Variants in SP8 observed in about 807,000 individuals in gnomAD.
SP8 encodes the protein Sp8 transcription factor, also known as transcription factor Sp8.
SP8 carries 7 observed loss-of-function variants against 15.3 expected under a neutral mutation model. The ratio of observed to expected loss-of-function variants is 0.46; its 90% CI spans 0.26 to 0.86. The LOEUF (loss-of-function observed/expected upper bound fraction) is 0.86, where lower values mean the gene tolerates loss of function less well. Ranked by LOEUF, SP8 falls within the 40% of genes least tolerant of loss-of-function variation. The pLI, the probability that SP8 is intolerant of heterozygous loss-of-function variation, is 0.16. For missense variants in SP8, 731 were observed against 736.4 expected (o/e 0.99, Z 0.09); for synonymous variants, 415 against 356.3 (o/e 1.16, Z -1.86).
chr7:20,786,806 A>C lies in SP8; in HGVS notation c.-8T>G. The stretch of plus-strand genomic sequence containing the variant: ...TAGAAGTGAAGTTGCCATCACACAA[A>C]AGTGCCCTCCTCCTCTCAGAGGATC... On this transcript the variant is annotated 5_prime_UTR_variant, in exon 1 of 2. Coordinates refer to ENST00000418710, the MANE Select transcript of SP8 (RefSeq NM_182700.6). This position sits in a 1 kb window ranked among gnomAD's most constrained non-coding sequence, Gnocchi z 4.4. The C allele has an allele frequency of 1.9e-6, 3 of 1,611,840 alleles. No individual in the cohort carries two copies. The highest frequency in any genetic ancestry group is 2.5e-6 in the Non-Finnish European group (3 of 1,177,912).
Position 20,784,400 on chromosome 7 carries a change from TGCCGCCGCTGCCCGAGCCCGCCGAGCC to T in SP8, c.1390_1416del (p.Gly464_Gly472del). 6.5e-7 allele frequency: 1 copy of T among 1,526,896 alleles called. No individual in the cohort carries two copies. Among genetic ancestry groups the T allele is most frequent in the Non-Finnish European group, 8.8e-7 (1 of 1,142,778 alleles). 94.6% of individuals were successfully genotyped at this position (1,526,896 alleles called of 1,614,324 possible). On this transcript the variant is annotated inframe_deletion, in exon 2 of 2. Coordinates refer to ENST00000418710, the MANE Select transcript of SP8 (RefSeq NM_182700.6). The stretch of plus-strand genomic sequence containing the variant: ...TCGCTGTCGGTGTCGCTGCCCTTCT[TGCCGCCGCTGCCCGAGCCCGCCGAGCC>T]GCCGCCGCCGCCGCCGCCACTGTGC...
At position 20,783,876 on chromosome 7, in the gene SP8, C is replaced by CA; in HGVS notation, c.*413_*414insT. 1 of 18,396 alleles carries CA rather than the reference C, an allele frequency of 5.4e-5. No homozygotes were observed. Among genetic ancestry groups the CA allele is most frequent in the Non-Finnish European group, 7.4e-5 (1 of 13,540 alleles). The allele number at this position is 18,396 out of a possible 1,614,324, so 1.1% of individuals were successfully genotyped here. ...TTGTCAGCCGAGCCGCTCCTGCCCG[C>CA]GCGAGGCCCGCTGTCTACCAGGCAC... On this transcript the variant is annotated 3_prime_UTR_variant, in exon 2 of 2. Coordinates refer to ENST00000418710, the MANE Select transcript of SP8 (RefSeq NM_182700.6).
Position 20,785,074 on chromosome 7 carries a change from G to T in SP8, c.743C>A (p.Pro248His). 1.3e-6 allele frequency: 2 copies of T among 1,581,768 alleles called. No individual in the cohort carries two copies. Among genetic ancestry groups the T allele is most frequent in the South Asian group, 1.1e-5 (1 of 88,998 alleles). Residue 248 changes from proline to histidine, a missense_variant, in exon 2 of 2, where the codon CCC (proline) becomes CAC (histidine). Pro to His is a moderately conservative substitution (Grantham distance 77). Transcript: ENST00000418710. This position sits in a 1 kb window ranked among gnomAD's most constrained non-coding sequence, Gnocchi z 7.2. ...VQNPNSAAAL[P>H]GSLHPAAGGL... ...CCCGGCGGCAGGGTGCAGCGAGCCGGGCAGCGCAGCCGCGCTGTTCGGGTT... is the reference window on the plus strand; with the variant it reads ...CCCGGCGGCAGGGTGCAGCGAGCCGTGCAGCGCAGCCGCGCTGTTCGGGTT...
Position 20,782,825 on chromosome 7 carries a change from CTT to C in SP8, c.*1463_*1464del, listed in dbSNP as rs1017507525. 4.1e-5 allele frequency: 6 copies of C among 147,218 alleles called. No homozygotes were observed. Among genetic ancestry groups the C allele is most frequent in the South Asian group, 2.3e-4 (1 of 4,392 alleles). The allele number at this position is 147,218 out of a possible 1,614,324, so 9.1% of individuals were successfully genotyped here. On this transcript the variant is annotated 3_prime_UTR_variant, in exon 2 of 2. Transcript: ENST00000418710. ...GCTCATCAGAACTGCAACAATAACT[CTT>C]AATATTTTCTTGTGACAAAAAAAAA...
chr7:20,785,584 G>T lies in SP8; in HGVS notation c.233C>A (p.Ser78Tyr). Residue 78 changes from serine (S) to tyrosine (Y), a missense_variant, in exon 2 of 2, where the codon TCC becomes TAC. Transcript: ENST00000418710. This position sits in a 1 kb window ranked among gnomAD's most constrained non-coding sequence, Gnocchi z 7.2. ...SLSSFGVSGA[S>Y]RNGGSSSAAA... is the part of the protein sequence containing the mutation. Reference sequence around the variant, plus strand: ...CGCCGAGGACGAGCCGCCGTTCCTGGAGGCCCCGGACACGCCGAAGCTTGA... The same window carrying T: ...CGCCGAGGACGAGCCGCCGTTCCTGTAGGCCCCGGACACGCCGAAGCTTGA... The T allele has an allele frequency of 6.2e-7, 1 of 1,608,426 alleles. No homozygotes were observed. Among genetic ancestry groups the T allele is most frequent in the African/African-American group, 1.3e-5 (1 of 74,580 alleles).
rs950272757 is a variant in SP8 at position 20,785,870 on chromosome 7, G to C, written c.22-75C>G. The C allele has an allele frequency of 6.6e-7, 1 of 1,507,406 alleles. No individual in the cohort carries two copies. Among genetic ancestry groups the C allele is most frequent in the African/African-American group, 1.4e-5 (1 of 72,600 alleles). 93.4% of individuals were successfully genotyped at this position (1,507,406 alleles called of 1,614,324 possible). A position where few individuals can be genotyped will look rare whatever the true frequency, so the allele number is the denominator to read the frequency against. On this transcript the variant is annotated intron_variant, in intron 1 of 1. Transcript: ENST00000418710. The surrounding 1 kb of genome is among the most constrained non-coding windows in gnomAD (Gnocchi z 7.2). The stretch of plus-strand genomic sequence containing the variant: ...CCGGTGGGGGAGGAAAGGAAGAAAT[G>C]TGCATCAGTCCTTCGGTAGCCTCCA...
chr7:20,784,857 C>T lies in SP8; in HGVS notation c.960G>A (p.Ala320=), dbSNP rs1215449714. Residue 320 remains alanine, a synonymous_variant, in exon 2 of 2, where the codon GCG becomes GCA. Transcript: ENST00000418710. Reference sequence around the variant, plus strand: ...GCCCAGCGCTCAACATGGAGCCCCCCGCGCCGGCCAGCGGCGACGGGGCCG... The same window carrying T: ...GCCCAGCGCTCAACATGGAGCCCCCTGCGCCGGCCAGCGGCGACGGGGCCG... The part of the protein sequence containing the change: ...PDSAPSPLAG[A]GGSMLSAGPS... 4 of 1,525,972 alleles carry T rather than the reference C, an allele frequency of 2.6e-6. No individual in the cohort carries two copies. Among genetic ancestry groups the T allele is most frequent in the South Asian group, 2.4e-5 (2 of 83,018 alleles). The allele number at this position is 1,525,972 out of a possible 1,614,324, so 94.5% of individuals were successfully genotyped here. A position where few individuals can be genotyped will look rare whatever the true frequency, so the allele number is the denominator to read the frequency against.
rs943418677 is a variant in SP8, at chr7:20,783,069, G to A, written c.*1221C>T. On this transcript the variant is annotated 3_prime_UTR_variant, in exon 2 of 2. Coordinates refer to ENST00000418710, the MANE Select transcript of SP8 (RefSeq NM_182700.6). ...GTTCTTTTTTATTTTCCCTCTTTTG[G>A]TATTTAAACTACAGCCTCGTCTGAA... The A allele has an allele frequency of 6.6e-6, 1 of 152,262 alleles. No individual in the cohort carries two copies. Among genetic ancestry groups the A allele is most frequent in the Non-Finnish European group, 1.5e-5 (1 of 68,000 alleles). 9.4% of individuals were successfully genotyped at this position (152,262 alleles called of 1,614,324 possible). A position where few individuals can be genotyped will look rare whatever the true frequency, so the allele number is the denominator to read the frequency against.
chr7:20,784,977 G>A lies in SP8; in HGVS notation c.840C>T (p.Ala280=), dbSNP rs1187756489. Residue 280 remains alanine, a synonymous_variant, in exon 2 of 2, where the codon GCC becomes GCT. Coordinates refer to ENST00000418710, the MANE Select transcript of SP8 (RefSeq NM_182700.6). ...GGTGCGAGGAGGCGCCGCTGCTGAA[G>A]GCCGAGTGACTCAGGCCCGAGTAAT... is the stretch of plus-strand genomic sequence containing the variant. The part of the protein sequence containing the change: ...NSDYSGLSHS[A]FSSGASSHLL... The A allele has an allele frequency of 1.3e-6, 2 of 1,571,760 alleles. No homozygotes were observed. The highest frequency in any genetic ancestry group is 1.7e-6 in the Non-Finnish European group (2 of 1,165,974).
Position 20,784,908 on chromosome 7 carries a change from T to A in SP8, c.909A>T (p.Pro303=), listed in dbSNP as rs1314546283. The change falls in exon 2 of 2, where the codon CCA becomes CCT. Residue 303 remains proline (P), a synonymous_variant. Coordinates refer to ENST00000418710, the MANE Select transcript of SP8 (RefSeq NM_182700.6). The part of the protein sequence containing the change: ...AGQHLMDGFK[P]VLPGSYPDSA... Reference sequence around the variant, plus strand: ...AGTCCGGGTAGGAGCCGGGTAGCACTGGCTTGAAGCCGTCCATGAGGTGCT... The same window carrying A: ...AGTCCGGGTAGGAGCCGGGTAGCACAGGCTTGAAGCCGTCCATGAGGTGCT... 6.5e-7 allele frequency: 1 copy of A among 1,539,080 alleles called. No homozygotes were observed. The highest frequency in any genetic ancestry group is 8.7e-7 in the Non-Finnish European group (1 of 1,149,088).
chr7:20,785,765 C>G lies in SP8; in HGVS notation c.52G>C (p.Ala18Pro). The change falls in exon 2 of 2, where the codon GCC (alanine) becomes CCC (proline). Residue 18 changes from alanine (A) to proline (P), a missense_variant. Physicochemically the swap from Ala to Pro is conservative, Grantham distance 27. Coordinates refer to ENST00000418710, the MANE Select transcript of SP8 (RefSeq NM_182700.6). This position sits in a 1 kb window ranked among gnomAD's most constrained non-coding sequence, Gnocchi z 7.2. The stretch of plus-strand genomic sequence containing the variant: ...TTATTACAGGTAGCGGCAAGCATGG[C>G]CAGAGGAGTCGATCCCAACCTCGGT... ...EEPRLGSTPL[A>P]MLAATCNKIG... 6.2e-7 allele frequency: 1 copy of G among 1,613,248 alleles called. No homozygotes were observed. Among genetic ancestry groups the G allele is most frequent in the Non-Finnish European group, 8.5e-7 (1 of 1,179,734 alleles).
Position 20,783,557 on chromosome 7 carries a change from A to C in SP8, c.*733T>G, listed in dbSNP as rs1434553232. ...AGAAAGCTGCTGCAGCGATTCGACA[A>C]GACTGCCCTTTGCTGAAACTTGCAT... On this transcript the variant is annotated 3_prime_UTR_variant, in exon 2 of 2. Transcript: ENST00000418710. 4 of 152,244 alleles carry C rather than the reference A, an allele frequency of 2.6e-5. No homozygotes were observed. Among genetic ancestry groups the C allele is most frequent in the African/African-American group, 9.6e-5 (4 of 41,456 alleles). 9.4% of individuals were successfully genotyped at this position (152,244 alleles called of 1,614,324 possible).
At position 20,782,843 on chromosome 7, in the gene SP8, C is replaced by CA. The variant is rs60012478; in HGVS notation, c.*1446dup. On this transcript the variant is annotated 3_prime_UTR_variant, in exon 2 of 2. Coordinates refer to ENST00000418710, the MANE Select transcript of SP8 (RefSeq NM_182700.6). ...AATAACTCTTAATATTTTCTTGTGA[C>CA]AAAAAAAAAAAATCAAGTTTACTTC... 7,625 of 143,302 alleles carry CA rather than the reference C, an allele frequency of 0.053. 309 individuals are homozygous for CA. Among genetic ancestry groups the CA allele is most frequent in the Middle Eastern group, 0.13 (36 of 280 alleles). 8.9% of individuals were successfully genotyped at this position (143,302 alleles called of 1,614,324 possible).
At position 20,784,265 on chromosome 7, in the gene SP8, G is replaced by A; in HGVS notation, c.*25C>T. Reference sequence around the variant, plus strand: ...GAGGACTTGGTGGGAGGAGGTCGGGGAGAGGGGCGGGCGCAGGGTGGGCGT... The same window carrying A: ...GAGGACTTGGTGGGAGGAGGTCGGGAAGAGGGGCGGGCGCAGGGTGGGCGT... On this transcript the variant is annotated 3_prime_UTR_variant, in exon 2 of 2. Transcript: ENST00000418710. 6.9e-7 allele frequency: 1 copy of A among 1,439,492 alleles called. No homozygotes were observed. Among genetic ancestry groups the A allele is most frequent in the Non-Finnish European group, 9.1e-7 (1 of 1,100,636 alleles). 89.2% of individuals were successfully genotyped at this position (1,439,492 alleles called of 1,614,324 possible).
rs747938025 is a variant in SP8, at chr7:20,785,611, A to G, written c.206T>C (p.Leu69Pro). Residue 69 changes from leucine (L) to proline (P), a missense_variant, in exon 2 of 2, where the codon CTC (leucine) becomes CCC (proline). Transcript: ENST00000418710. This position sits in a 1 kb window ranked among gnomAD's most constrained non-coding sequence, Gnocchi z 7.2. The stretch of plus-strand genomic sequence containing the variant: ...GGCCCCGGACACGCCGAAGCTTGAG[A>G]GACTGGAACCCACTACGTTGCAGCT... Reference protein sequence around the residue: ...SASCNVVGSSLSSFGVSGASR... With the variant: ...SASCNVVGSSPSSFGVSGASR... 2.5e-6 allele frequency: 4 copies of G among 1,575,840 alleles called. No individual in the cohort carries two copies. Among genetic ancestry groups the G allele is most frequent in the East Asian group, 2.4e-5 (1 of 41,626 alleles).
rs1411353639 is a variant in SP8, at chr7:20,784,827, C to G, written c.990G>C (p.Ser330=). The change falls in exon 2 of 2, where the codon TCG becomes TCC. Residue 330 remains serine (S), a synonymous_variant. Coordinates refer to ENST00000418710, the MANE Select transcript of SP8 (RefSeq NM_182700.6). Reference sequence around the variant, plus strand: ...AGCGCGGGGAGCCCCCCAGCGGCGCCGAAGGCCCAGCGCTCAACATGGAGC... The same window carrying G: ...AGCGCGGGGAGCCCCCCAGCGGCGCGGAAGGCCCAGCGCTCAACATGGAGC... ...AGGSMLSAGP[S]APLGGSPRSS... 9 of 1,524,962 alleles carry G rather than the reference C, an allele frequency of 5.9e-6. No individual in the cohort carries two copies. Among genetic ancestry groups the G allele is most frequent in the Non-Finnish European group, 7.0e-6 (8 of 1,142,868 alleles). The allele number at this position is 1,524,962 out of a possible 1,614,324, so 94.5% of individuals were successfully genotyped here.
At position 20,783,164 on chromosome 7, in the gene SP8, C is replaced by CA. The variant is rs5882773; in HGVS notation, c.*1125dup. On this transcript the variant is annotated 3_prime_UTR_variant, in exon 2 of 2. Transcript: ENST00000418710. Reference sequence around the variant, plus strand: ...CAAAAAAGTTTAACCCTACGATCTTCATGAATTGAGAGAATTTACGAAATT... The same window carrying CA: ...CAAAAAAGTTTAACCCTACGATCTTCAATGAATTGAGAGAATTTACGAAATT... 152,780 of 152,780 alleles carry CA rather than the reference C, an allele frequency of 1. 76,390 individuals carry two copies. The highest frequency in any genetic ancestry group is 1 in the Non-Finnish European group (68,042 of 68,042). 9.5% of individuals were successfully genotyped at this position (152,780 alleles called of 1,614,324 possible).
Position 20,785,911 on chromosome 7 carries a change from C to G in SP8, c.22-116G>C, listed in dbSNP as rs2128064015. 6.8e-7 allele frequency: 1 copy of G among 1,461,792 alleles called. No homozygotes were observed. The highest frequency in any genetic ancestry group is 1.4e-5 in the South Asian group (1 of 71,424). The allele number at this position is 1,461,792 out of a possible 1,614,324, so 90.6% of individuals were successfully genotyped here. A position where few individuals can be genotyped will look rare whatever the true frequency, so the allele number is the denominator to read the frequency against. On this transcript the variant is annotated intron_variant, in intron 1 of 1. Coordinates refer to ENST00000418710, the MANE Select transcript of SP8 (RefSeq NM_182700.6). The surrounding 1 kb of genome is among the most constrained non-coding windows in gnomAD (Gnocchi z 7.2). ...GTAGCCTCCAAAGCGCCCCACTGCA[C>G]CCCATCTCTCGCTGCGGCGCGCCGC...
In SP8 at chr7:20,785,927, G is replaced by T. The variant is rs996036253; in HGVS notation, c.22-132C>A. The T allele has an allele frequency of 4.0e-5, 59 of 1,463,428 alleles. No homozygotes were observed. Among genetic ancestry groups the T allele is most frequent in the Non-Finnish European group, 4.1e-5 (45 of 1,102,648 alleles). The allele number at this position is 1,463,428 out of a possible 1,614,324, so 90.7% of individuals were successfully genotyped here. A position where few individuals can be genotyped will look rare whatever the true frequency, so the allele number is the denominator to read the frequency against. On this transcript the variant is annotated intron_variant, in intron 1 of 1. Coordinates refer to ENST00000418710, the MANE Select transcript of SP8 (RefSeq NM_182700.6). The surrounding 1 kb of genome is among the most constrained non-coding windows in gnomAD (Gnocchi z 7.2). ...CCCACTGCACCCCATCTCTCGCTGC[G>T]GCGCGCCGCCACCAACTCACCTGGC...
Sources: allele counts gnomAD v4.1 joint callset, GRCh38; gene constraint gnomAD v4.1.1; non-coding constraint Gnocchi (gnomAD v3.1); transcripts MANE v1.5; gene names NCBI Gene and HGNC (gene_info 2026-07-23, HGNC 2026-07-21).